PRDM5: variants seen among roughly 807,000 people sequenced by gnomAD.
PRDM5 encodes the protein PR/SET domain 5, also known as PR domain zinc finger protein 5.
PRDM5 carries 56 observed loss-of-function variants against 81.2 expected under a neutral mutation model. The observed-to-expected ratio is 0.69, with a 90% CI of 0.56 to 0.86. The LOEUF (loss-of-function observed/expected upper bound fraction) is 0.86, where lower values mean the gene tolerates loss of function less well. Among genes scored for constraint, PRDM5 ranks in the 40% least tolerant of loss-of-function variants. PRDM5 has a pLI of 0.00. For synonymous variants in PRDM5, 267 were observed against 256.4 expected, an observed-to-expected ratio of 1.04 and a Z score of -0.39; for missense variants, 697 against 770.1, an observed-to-expected ratio of 0.91 and a Z score of 1.12.
chr4:120,723,539 C>T (rs1451043971), intron 14 of PRDM5, among the ~76,000 whole-genome samples: 2 of 151,798 alleles, frequency 1.3e-5, no homozygotes, highest in Admixed American at 6.6e-5. Context: ...AAAAGTTATG[C>T]TCACCATCTT....
intron 1 of PRDM5, 26 bp downstream of exon 1, chr4:120,922,490 G>A: frequency 1.9e-6 from 3 of 1,578,634 alleles, no homozygotes; most frequent in South Asian, 2.3e-5. Flanking sequence ...GTGCAGGGGC[G>A]CGCAGGCCGC....
rs1030522511 is a variant in PRDM5 at position 120,770,408 on chromosome 4, C to G, written c.1537+6780G>C. ...GTACAGTGGACACTGTATAAACTCA[C>G]TTAGGTTTAATATTTATTAACATTT... On this transcript the variant is annotated intron_variant, in intron 13 of 15. Coordinates refer to ENST00000264808, the MANE Select transcript of PRDM5 (RefSeq NM_018699.4). 2.7e-4 allele frequency among the ~76,000 whole-genome samples: 41 copies of G among 151,512 alleles called. 2 individuals carry two copies. Among genetic ancestry groups the G allele is most frequent in the Non-Finnish European group, 1.6e-4 (11 of 67,982 alleles).
intron 1 of PRDM5, among the ~76,000 whole-genome samples, chr4:120,912,678 T>C (rs1766652627): frequency 6.6e-6 from 1 of 152,222 alleles, no homozygotes; most frequent in Non-Finnish European, 1.5e-5. Context: ...TTGTTGGATT[T>C]GCTAAAACAG....
chr4:120,809,653 T>C lies in PRDM5; in HGVS notation c.945+1717A>G, dbSNP rs555763415. 4.1e-4 allele frequency among the ~76,000 whole-genome samples: 62 copies of C among 152,308 alleles called. 1 individual carries two copies. Among genetic ancestry groups the C allele is most frequent in the African/African-American group, 1.3e-3 (56 of 41,574 alleles). On this transcript the variant is annotated intron_variant, in intron 8 of 15. Coordinates refer to ENST00000264808, the MANE Select transcript of PRDM5 (RefSeq NM_018699.4). ...AATAGTAATTTAAGATACTAGACTATAGTATAATTTGGCATTGTCATATAG... is the reference window on the plus strand; with the variant it reads ...AATAGTAATTTAAGATACTAGACTACAGTATAATTTGGCATTGTCATATAG...
At chr4:120,749,292 A>T (rs867537220) in intron 14 of PRDM5, among the ~76,000 whole-genome samples, 26 of 152,270 alleles carry the variant, frequency 1.7e-4, no homozygotes, top group African/African-American at 6.0e-4. Flanking sequence ...AAAACAAGTG[A>T]TGGTTAATTC....
At chr4:120,803,082 C>T (rs1484328218) in intron 8 of PRDM5, among the ~76,000 whole-genome samples, 1 of 151,970 alleles carries the variant, frequency 6.6e-6, no homozygotes, top group Non-Finnish European at 1.5e-5. Context: ...GTAGCTGATT[C>T]GATCAGCTGG....
intron 8 of PRDM5, among the ~76,000 whole-genome samples, chr4:120,801,028 T>C (rs756587644): frequency 2.0e-5 from 3 of 152,190 alleles, no homozygotes; most frequent in Non-Finnish European, 4.4e-5. Flanking sequence ...AGAAATGTAT[T>C]ACATATCATA....
chr4:120,848,994 T>A (rs1315700521), intron 3 of PRDM5, among the ~76,000 whole-genome samples: 2 of 152,122 alleles, frequency 1.3e-5, no homozygotes, highest in African/African-American at 2.4e-5. Context: ...CTTAAAAAAA[T>A]TCTAAAAATG....
intron 15 of PRDM5, among the ~76,000 whole-genome samples, chr4:120,705,757 A>T (rs1461385600): frequency 6.6e-6 from 1 of 152,212 alleles, no homozygotes. Context: ...CAGGTTCTAC[A>T]AAGATTACTC....
intron 2 of PRDM5, among the ~76,000 whole-genome samples, chr4:120,865,768 C>T (rs989049294): frequency 5.9e-5 from 9 of 152,048 alleles, no homozygotes; most frequent in African/African-American, 1.2e-4. Context: ...CACTGATCTC[C>T]GGGGTTCTCA....
intron 14 of PRDM5, among the ~76,000 whole-genome samples, chr4:120,714,545 C>T (rs1289368057): frequency 6.6e-6 from 1 of 152,052 alleles, no homozygotes; most frequent in Non-Finnish European, 1.5e-5. Flanking sequence ...ATAAGCAACG[C>T]ATGTTGTTTA....
intron 1 of PRDM5, among the ~76,000 whole-genome samples, chr4:120,921,541 G>A (rs1724913589): frequency 6.6e-6 from 1 of 152,134 alleles, no homozygotes; most frequent in Non-Finnish European, 1.5e-5. Context: ...GCAGATGAAA[G>A]GCACCCTAGT....
chr4:120,845,857 T>C (rs1395583964), intron 3 of PRDM5, among the ~76,000 whole-genome samples: 1 of 152,230 alleles, frequency 6.6e-6, no homozygotes, highest in Non-Finnish European at 1.5e-5. Context: ...ATTCATGAGA[T>C]GAGAGCAAAA....
At chr4:120,835,095 T>C (rs530795136) in intron 3 of PRDM5, among the ~76,000 whole-genome samples, 1 of 152,246 alleles carries the variant, frequency 6.6e-6, no homozygotes, top group African/African-American at 2.4e-5. Context: ...TGAGCACTTA[T>C]GAGCTCTTAG....
In PRDM5 at chr4:120,692,097, CTAAGA is replaced by C. The variant is rs1306731140; in HGVS notation, c.*3009_*3013del. Reference sequence around the variant, plus strand: ...TACCCACTTCCACATATTCATTACTCTAAGATGAGTTTTCATAAGCAACATTTAGA... The same window carrying C: ...TACCCACTTCCACATATTCATTACTCTGAGTTTTCATAAGCAACATTTAGA... On this transcript the variant is annotated 3_prime_UTR_variant, in exon 16 of 16. Coordinates refer to ENST00000264808, the MANE Select transcript of PRDM5 (RefSeq NM_018699.4). 2.0e-5 allele frequency: 3 copies of C among 151,958 alleles called. No individual in the cohort carries two copies. The highest frequency in any genetic ancestry group is 2.0e-4 in the Admixed American group (3 of 15,218). The allele number at this position is 151,958 out of a possible 1,614,324, so 9.4% of individuals were successfully genotyped here. A position where few individuals can be genotyped will look rare whatever the true frequency, so the allele number is the denominator to read the frequency against.
chr4:120,898,447 C>T (rs1354107881), intron 2 of PRDM5, among the ~76,000 whole-genome samples: 3 of 152,170 alleles, frequency 2.0e-5, no homozygotes, highest in African/African-American at 4.8e-5. Flanking sequence ...ATTTCTGTGT[C>T]CTCAAAGAGT....
intron 2 of PRDM5, among the ~76,000 whole-genome samples, chr4:120,857,817 A>G (rs1760058896): frequency 6.6e-6 from 1 of 152,240 alleles, no homozygotes; most frequent in African/African-American, 2.4e-5. Context: ...CTATAGACAG[A>G]GAAGCTCAAT....
intron 10 of PRDM5, among the ~76,000 whole-genome samples, chr4:120,789,143 G>C (rs1052045855): frequency 6.6e-6 from 1 of 152,172 alleles, no homozygotes; most frequent in Non-Finnish European, 1.5e-5. Flanking sequence ...ATCTCCCAAT[G>C]TAACAAATGA....
chr4:120,898,341 T>G lies in PRDM5; in HGVS notation c.177+9133A>C, dbSNP rs111401707. Among the ~76,000 whole-genome samples the G allele has an allele frequency of 2.8e-3, 426 of 152,222 alleles. 3 individuals are homozygous for G. The highest frequency in any genetic ancestry group is 3.9e-3 in the Non-Finnish European group (264 of 67,998). Reference sequence around the variant, plus strand: ...AATCTGCCACGCAGCTTCATAATTCTGCAAATGTCTTGAGAAGGAGACAGC... The same window carrying G: ...AATCTGCCACGCAGCTTCATAATTCGGCAAATGTCTTGAGAAGGAGACAGC... On this transcript the variant is annotated intron_variant, in intron 2 of 15. Transcript: ENST00000264808.
Sources: gnomAD v4.1 joint callset for allele counts (sites outside exome capture counted in the v4.1 genomes callset) on GRCh38, gnomAD v4.1.1 for gene constraint, MANE v1.5 for transcripts, NCBI Gene and HGNC (gene_info 2026-07-23, HGNC 2026-07-21) for gene names.